The following PCDHGA6 variants were observed in gnomAD, a reference collection of about 807,000 sequenced individuals.
PCDHGA6 encodes the protein protocadherin gamma-A6.
PCDHGA6 carries 41 observed loss-of-function variants against 60.6 expected under a neutral mutation model. The observed-to-expected ratio is 0.68, with a 90% CI of 0.53 to 0.88. The LOEUF is 0.88. Ranked by LOEUF, PCDHGA6 falls within the 40% of genes least tolerant of loss-of-function variation. PCDHGA6 has a pLI of 0.00. For missense variants in PCDHGA6, 1,312 were observed against 1,203.0 expected (o/e 1.09, Z -1.34); for synonymous variants, 594 against 524.4 (o/e 1.13, Z -1.81).
At chr5:141,419,407 G>A (rs1426208057) in intron 1 of PCDHGA6, 20 of 1,613,396 alleles carry the variant, frequency 1.2e-5, no homozygotes, top group Non-Finnish European at 1.4e-5. Flanking sequence ...TGGTGTTCGC[G>A]CAGCGCGCCT....
intron 1 of PCDHGA6, chr5:141,417,490 T>C (rs1296739869): frequency 4.7e-6 from 1 of 210,618 alleles, no homozygotes; most frequent in Non-Finnish European, 9.3e-6. Context: ...AAGGAATCAC[T>C]GAGGAAAAAG....
chr5:141,400,728 T>G (rs1293655070), intron 1 of PCDHGA6: 2 of 648,072 alleles, frequency 3.1e-6, no homozygotes, highest in Non-Finnish European at 5.2e-6. Flanking sequence ...ATTTACAAAG[T>G]AGTGAGAGTT....
At chr5:141,426,814 T>C (rs2096962370) in intron 1 of PCDHGA6, 1 of 456,592 alleles carries the variant, frequency 2.2e-6, no homozygotes, top group Admixed American at 2.3e-5. Flanking sequence ...AATGAACATT[T>C]CTCTCTGATG....
rs942270362 is a variant in PCDHGA6 at position 141,394,773 on chromosome 5, C to T, written c.2424+18266C>T. On this transcript the variant is annotated intron_variant, in intron 1 of 3. Coordinates refer to ENST00000517434, the MANE Select transcript of PCDHGA6 (RefSeq NM_018919.3). ...CGTCCAGGACCATGGCCAGCCCCCT[C>T]TCTCCGCCACTGTCACGCTCACCGT... 4.3e-5 allele frequency: 70 copies of T among 1,613,400 alleles called. No homozygotes were observed. The highest frequency in any genetic ancestry group is 5.6e-5 in the Non-Finnish European group (66 of 1,179,978).
chr5:141,430,913 C>A (rs1485488693), intron 1 of PCDHGA6: 1 of 1,607,720 alleles, frequency 6.2e-7, no homozygotes, highest in East Asian at 2.2e-5. Context: ...CTCCAGGGAC[C>A]TGGGGCTGGA....
At position 141,374,884 on chromosome 5, in the gene PCDHGA6, C is replaced by T. The variant is rs1770914347; in HGVS notation, c.801C>T (p.Thr267=). Residue 267 remains threonine, a synonymous_variant, in exon 1 of 4, where the codon ACC becomes ACT. Transcript: ENST00000517434. ...VGTPVLAVTA[T]DQDEGVHGEV... is the part of the protein sequence containing the mutation. ...CACCAGTGTTGGCAGTGACTGCCAC[C>T]GACCAGGATGAAGGAGTCCACGGGG... 1 of 1,613,714 alleles carries T rather than the reference C, an allele frequency of 6.2e-7. No individual in the cohort carries two copies. Among genetic ancestry groups the T allele is most frequent in the African/African-American group, 1.3e-5 (1 of 75,062 alleles).
chr5:141,399,460 G>A, intron 1 of PCDHGA6: 1 of 1,613,962 alleles, frequency 6.2e-7, no homozygotes, highest in Middle Eastern at 1.6e-4. Context: ...CAACGATAAC[G>A]CTCCGGTTTT....
At chr5:141,418,752 C>T (rs2096284996) in intron 1 of PCDHGA6, 1 of 1,613,874 alleles carries the variant, frequency 6.2e-7, no homozygotes, top group African/African-American at 1.3e-5. Flanking sequence ...GATTACACTA[C>T]AGGAAACATT....
intron 1 of PCDHGA6, chr5:141,427,525 CG>C (rs996050026): frequency 4.9e-6 from 3 of 612,098 alleles, no homozygotes; most frequent in Non-Finnish European, 9.2e-6. Flanking sequence ...GAGCGGATCC[CG>C]GAGTACAACG....
At chr5:141,492,384 C>T (rs1001189412) in intron 1 of PCDHGA6, among the ~76,000 whole-genome samples, 1 of 152,230 alleles carries the variant, frequency 6.6e-6, no homozygotes, top group African/African-American at 2.4e-5. Context: ...AGGCCTGTTC[C>T]GGTCCACTCG....
In PCDHGA6 at chr5:141,476,978, C is replaced by G; in HGVS notation, c.2425-17829C>G. 1.2e-6 allele frequency: 2 copies of G among 1,614,256 alleles called. No individual in the cohort carries two copies. Among genetic ancestry groups the G allele is most frequent in the Non-Finnish European group, 1.7e-6 (2 of 1,180,058 alleles). Reference sequence around the variant, plus strand: ...TATTTACTCCTTCGGCAGCCACAACCGCGCCGGCGTGCGGCAACTATTCGC... The same window carrying G: ...TATTTACTCCTTCGGCAGCCACAACGGCGCCGGCGTGCGGCAACTATTCGC... On this transcript the variant is annotated intron_variant, in intron 1 of 3. Transcript: ENST00000517434. This position sits in a 1 kb window ranked among gnomAD's most constrained non-coding sequence, Gnocchi z 7.6.
chr5:141,395,162 G>C, intron 1 of PCDHGA6: 1 of 1,614,148 alleles, frequency 6.2e-7, no homozygotes, highest in Non-Finnish European at 8.5e-7. Flanking sequence ...TCAGTCAGGA[G>C]GGCTGTGAGA....
chr5:141,470,837 G>A (rs932315417), intron 1 of PCDHGA6, among the ~76,000 whole-genome samples: 4 of 151,948 alleles, frequency 2.6e-5, no homozygotes, highest in Non-Finnish European at 4.4e-5. Flanking sequence ...ACAAACACAC[G>A]CCACCATGCT....
Position 141,487,819 on chromosome 5 carries a change from C to T in PCDHGA6, c.2425-6988C>T, listed in dbSNP as rs559702138. 28 of 1,285,530 alleles carry T rather than the reference C, an allele frequency of 2.2e-5. No homozygotes were observed. The highest frequency in any genetic ancestry group is 7.6e-5 in the East Asian group (3 of 39,466). 79.6% of individuals were successfully genotyped at this position (1,285,530 alleles called of 1,614,324 possible). ...AGTTGTCACAGTTTAGCATTGGGGG[C>T]GGGTCATGCCTATATCTGAGTAAGA... is the stretch of plus-strand genomic sequence containing the variant. On this transcript the variant is annotated intron_variant, in intron 1 of 3. Transcript: ENST00000517434. The surrounding 1 kb of genome is among the most constrained non-coding windows in gnomAD (Gnocchi z 5.0).
intron 1 of PCDHGA6, chr5:141,383,239 A>G: frequency 6.2e-7 from 1 of 1,613,966 alleles, no homozygotes; most frequent in Non-Finnish European, 8.5e-7. Flanking sequence ...GGAAGATAAA[A>G]TGAATCTTTA....
Position 141,505,409 on chromosome 5 carries a change from G to T in PCDHGA6, c.2500G>T (p.Asp834Tyr). The change falls in exon 3 of 4, where the codon GAC (aspartate) becomes TAC (tyrosine). Residue 834 changes from aspartate to tyrosine, a missense_variant. Asp to Tyr is a radical substitution (Grantham distance 160). Transcript: ENST00000517434. ...PGTSGSQNGD[D>Y]TGTWPNNQFD... Reference sequence around the variant, plus strand: ...TCTCCCCAGCTCCCAAAATGGCGATGACACCGGCACCTGGCCCAACAACCA... The same window carrying T: ...TCTCCCCAGCTCCCAAAATGGCGATTACACCGGCACCTGGCCCAACAACCA... 6.2e-7 allele frequency: 1 copy of T among 1,614,200 alleles called. No individual in the cohort carries two copies. Among genetic ancestry groups the T allele is most frequent in the Non-Finnish European group, 8.5e-7 (1 of 1,180,048 alleles).
chr5:141,395,213 T>C, intron 1 of PCDHGA6: 1 of 1,613,280 alleles, frequency 6.2e-7, no homozygotes, highest in Non-Finnish European at 8.5e-7. Flanking sequence ...TTCATGAATA[T>C]AAGAATGAAG....
intron 1 of PCDHGA6, among the ~76,000 whole-genome samples, chr5:141,438,635 TAC>T (rs56854727): frequency 0.14 from 4,591 of 32,686 alleles, 460 homozygotes; most frequent in Middle Eastern, 0.21. Flanking sequence ...TATATATATA[TAC>T]ACACACACAC....
chr5:141,484,121 C>A (rs1451102473), intron 1 of PCDHGA6, among the ~76,000 whole-genome samples: 1 of 152,152 alleles, frequency 6.6e-6, no homozygotes, highest in African/African-American at 2.4e-5. Context: ...TCAAGAATAC[C>A]TTGGTGTCAG....
Sources: allele counts gnomAD v4.1 joint callset (sites outside exome capture counted in the v4.1 genomes callset), GRCh38; gene constraint gnomAD v4.1.1; non-coding constraint Gnocchi (gnomAD v3.1); transcripts MANE v1.5; gene names NCBI Gene and HGNC (gene_info 2026-07-23, HGNC 2026-07-21).